Variants in ITSN1 observed in about 807,000 individuals in gnomAD.
ITSN1 encodes the protein intersectin 1.
A neutral mutation model predicts 239.8 loss-of-function variants in ITSN1; 58 were observed. The ratio of observed to expected loss-of-function variants is 0.24; its 90% CI spans 0.20 to 0.30. The LOEUF is 0.30. ITSN1 is among the 10% of genes least tolerant of loss of function. The probability of loss-of-function intolerance (pLI) is 1.00; values close to 1 mark genes in which losing one functional copy is unlikely to be tolerated. For synonymous variants in ITSN1, 780 were observed against 770.8 expected, an observed-to-expected ratio of 1.01 and a Z score of -0.20; for missense variants, 1,558 against 2,103.3, an observed-to-expected ratio of 0.74 and a Z score of 5.07.
At chr21:33,798,776 A>C (rs1246157547) in intron 18 of ITSN1, among the ~76,000 whole-genome samples, 1 of 152,196 alleles carries the variant, frequency 6.6e-6, no homozygotes, top group Non-Finnish European at 1.5e-5. Context: ...TGCATTAGGC[A>C]CCTACCTGCC....
chr21:33,865,546 G>A lies in ITSN1; in HGVS notation c.4074+212G>A, dbSNP rs997368626. Among the ~76,000 whole-genome samples the A allele has an allele frequency of 6.6e-5, 10 of 152,236 alleles. No individual in the cohort carries two copies. The highest frequency in any genetic ancestry group is 1.3e-4 in the Admixed American group (2 of 15,290). On this transcript the variant is annotated intron_variant, in intron 32 of 39. Transcript: ENST00000381318. This position sits in a 1 kb window ranked among gnomAD's most constrained non-coding sequence, Gnocchi z 4.4. ...CTTGGAGAGGAGGGGTGAACCCTGGGCTTGGAAGCTTTGAAAGTGTCTTTA... is the reference window on the plus strand; with the variant it reads ...CTTGGAGAGGAGGGGTGAACCCTGGACTTGGAAGCTTTGAAAGTGTCTTTA...
chr21:33,720,932 A>G (rs796860976), intron 2 of ITSN1, among the ~76,000 whole-genome samples: 11 of 152,318 alleles, frequency 7.2e-5, no homozygotes, highest in African/African-American at 2.6e-4. Flanking sequence ...AAGTTTCTAA[A>G]AAAGGAATGT....
In ITSN1 at chr21:33,861,915, C is replaced by T. The variant is rs555739320; in HGVS notation, c.3890+3123C>T. Among the ~76,000 whole-genome samples, 21 of 144,092 alleles carry T rather than the reference C, an allele frequency of 1.5e-4. No individual in the cohort carries two copies. In the South Asian group the frequency reaches 4.7e-3, roughly 32 times the overall value. 94.5% of individuals were successfully genotyped at this position (144,092 alleles called of 152,430 possible). A position where few individuals can be genotyped will look rare whatever the true frequency, so the allele number is the denominator to read the frequency against. ...GAGCTGAGATCGCACCACTGCACTC[C>T]AGCCTGGGCGACAGAGTGAGACTCC... is the stretch of plus-strand genomic sequence containing the variant. On this transcript the variant is annotated intron_variant, in intron 31 of 39. Transcript: ENST00000381318.
intron 1 of ITSN1, chr21:33,689,289 C>G (rs1265108855): frequency 4.6e-5 from 7 of 152,198 alleles, no homozygotes; most frequent in Non-Finnish European, 7.3e-5. Flanking sequence ...TGTCTACAGT[C>G]TCTTGACAGT....
intron 4 of ITSN1, among the ~76,000 whole-genome samples, chr21:33,730,236 G>A (rs2066088360): frequency 6.6e-6 from 1 of 151,692 alleles, no homozygotes; most frequent in African/African-American, 2.4e-5. Flanking sequence ...CCTTTACCCT[G>A]TTTCCACCCA....
At chr21:33,762,494 A>G (rs2068416066) in intron 9 of ITSN1, among the ~76,000 whole-genome samples, 1 of 151,866 alleles carries the variant, frequency 6.6e-6, no homozygotes, top group East Asian at 1.9e-4. Flanking sequence ...TGAACTCCCA[A>G]CCTCAGATGA....
At chr21:33,690,469 G>A (rs567504533) in intron 1 of ITSN1, among the ~76,000 whole-genome samples, 71 of 150,806 alleles carry the variant, frequency 4.7e-4, no homozygotes, top group African/African-American at 1.6e-3. Flanking sequence ...TCATGGTGGC[G>A]GGTGCCTGTA....
intron 1 of ITSN1, among the ~76,000 whole-genome samples, chr21:33,676,908 A>C (rs1181195415): frequency 6.6e-6 from 1 of 151,990 alleles, no homozygotes; most frequent in Non-Finnish European, 1.5e-5. Context: ...CATTTTCGAC[A>C]GAAAACCAAA....
chr21:33,744,332 A>C (rs2067051688), intron 5 of ITSN1, among the ~76,000 whole-genome samples: 1 of 152,216 alleles, frequency 6.6e-6, no homozygotes, highest in Non-Finnish European at 1.5e-5. Context: ...GGAAGAAAGG[A>C]GATAACAAAT....
Position 33,817,322 on chromosome 21 carries a change from C to G in ITSN1, c.2728-945C>G, listed in dbSNP as rs771991782. The stretch of plus-strand genomic sequence containing the variant: ...CCGGACCCCCTGCAGTGTTCCACCT[C>G]GAGGCTTTTGCCCATGCTGCGCCCT... On this transcript the variant is annotated intron_variant, in intron 22 of 39. Coordinates refer to ENST00000381318, the MANE Select transcript of ITSN1 (RefSeq NM_003024.3). 8 of 1,304,288 alleles carry G rather than the reference C, an allele frequency of 6.1e-6. No homozygotes were observed. In the South Asian group the frequency reaches 9.9e-5, roughly 16 times the overall value. 80.8% of individuals were successfully genotyped at this position (1,304,288 alleles called of 1,614,324 possible).
chr21:33,785,506 T>C (rs1172706312), intron 16 of ITSN1, among the ~76,000 whole-genome samples: 1 of 152,236 alleles, frequency 6.6e-6, no homozygotes, highest in Non-Finnish European at 1.5e-5. Flanking sequence ...TTCTCTAGAA[T>C]GTCTTGCTCA....
intron 16 of ITSN1, among the ~76,000 whole-genome samples, chr21:33,791,770 C>T (rs1446393262): frequency 1.3e-5 from 2 of 151,746 alleles, no homozygotes; most frequent in Non-Finnish European, 3.0e-5. Context: ...ACATCATGGC[C>T]AGTGTCCATT....
At chr21:33,688,991 T>G (rs543769566) in intron 1 of ITSN1, among the ~76,000 whole-genome samples, 1 of 152,130 alleles carries the variant, frequency 6.6e-6, no homozygotes, top group Non-Finnish European at 1.5e-5. Context: ...TTTGGTATTT[T>G]TAGTAGAGAT....
intron 11 of ITSN1, among the ~76,000 whole-genome samples, chr21:33,770,020 A>G (rs557240800): frequency 1.3e-5 from 2 of 151,226 alleles, no homozygotes; most frequent in South Asian, 2.1e-4. Context: ...TTATAAGGAT[A>G]TTAATTTATC....
At chr21:33,847,792 A>G (rs2075030808) in intron 29 of ITSN1, among the ~76,000 whole-genome samples, 1 of 152,254 alleles carries the variant, frequency 6.6e-6, no homozygotes, top group African/African-American at 2.4e-5. Context: ...CTGGGCCTGG[A>G]CGGATCAGTT....
rs1986559488 is a variant in ITSN1, at chr21:33,894,291, CTT to C, written c.*5993_*5994del. On this transcript the variant is annotated 3_prime_UTR_variant, in exon 40 of 40. Coordinates refer to ENST00000381318, the MANE Select transcript of ITSN1 (RefSeq NM_003024.3). ...CAGTTCCTCCATTCAAAGGAACCCT[CTT>C]TACCCTGGCCCTGGGGGAGCCATAT... The C allele has an allele frequency of 6.6e-6, 1 of 152,214 alleles. No homozygotes were observed. Among genetic ancestry groups the C allele is most frequent in the African/African-American group, 2.4e-5 (1 of 41,448 alleles). 9.4% of individuals were successfully genotyped at this position (152,214 alleles called of 1,614,324 possible).
At chr21:33,813,859 A>T in intron 21 of ITSN1, 54 bp from the exon 22 acceptor site, 1 of 1,503,238 alleles carries the variant, frequency 6.7e-7, no homozygotes. Context: ...GTGGGTAAAA[A>T]GCTGGTATAT....
chr21:33,778,852 ACAG>A (rs2069889598), intron 14 of ITSN1, among the ~76,000 whole-genome samples: 2 of 151,764 alleles, frequency 1.3e-5, no homozygotes, highest in Non-Finnish European at 2.9e-5. Context: ...TGCTGGGATT[ACAG>A]GCGTGAGCCA....
intron 1 of ITSN1, among the ~76,000 whole-genome samples, chr21:33,711,668 G>A (rs996498161): frequency 6.6e-6 from 1 of 150,604 alleles, no homozygotes; most frequent in African/African-American, 2.4e-5. Flanking sequence ...GTGTGTGTGT[G>A]TGTGTGTGTG....
Sources: allele counts gnomAD v4.1 joint callset (sites outside exome capture counted in the v4.1 genomes callset), GRCh38; gene constraint gnomAD v4.1.1; non-coding constraint Gnocchi (gnomAD v3.1); transcripts MANE v1.5; gene names NCBI Gene and HGNC (gene_info 2026-07-23, HGNC 2026-07-21).